The following PIEZO2 variants were observed in gnomAD, a reference collection of about 807,000 sequenced individuals.
PIEZO2 encodes the protein piezo-type mechanosensitive ion channel component 2.
In PIEZO2, 172 loss-of-function variants were observed where a neutral mutation model predicts 337.3. The ratio of observed to expected loss-of-function variants is 0.51; its 90% CI spans 0.45 to 0.58. The LOEUF (loss-of-function observed/expected upper bound fraction) is 0.58, where lower values mean the gene tolerates loss of function less well. Among genes scored for constraint, PIEZO2 ranks in the 20% least tolerant of loss-of-function variants. The pLI is 0.00. For synonymous variants in PIEZO2, 1,251 were observed against 1,228.5 expected (o/e 1.02, Z -0.38); for missense variants, 3,028 against 3,391.3 (o/e 0.89, Z 2.66).
intron 3 of PIEZO2, among the ~76,000 whole-genome samples, chr18:10,966,142 G>A (rs749846248): frequency 4.6e-5 from 7 of 152,074 alleles, no homozygotes; most frequent in Non-Finnish European, 7.4e-5. Context: ...CCTCCATCAC[G>A]CTGGAATTCA....
At chr18:10,710,712 T>C (rs1367285635) in intron 39 of PIEZO2, among the ~76,000 whole-genome samples, 1 of 152,230 alleles carries the variant, frequency 6.6e-6, no homozygotes, top group Non-Finnish European at 1.5e-5. Flanking sequence ...TGGGTGAGCA[T>C]GACCTCACTG....
At chr18:10,916,372 G>A (rs542592506) in intron 3 of PIEZO2, among the ~76,000 whole-genome samples, 1 of 152,260 alleles carries the variant, frequency 6.6e-6, no homozygotes, top group Admixed American at 6.5e-5. Flanking sequence ...GGCCTGTGCT[G>A]CAGCCAACCG....
chr18:11,024,247 GA>G (rs111362173), intron 2 of PIEZO2, among the ~76,000 whole-genome samples: 1 of 151,440 alleles, frequency 6.6e-6, no homozygotes, highest in African/African-American at 2.4e-5. Flanking sequence ...GTACTTGGCT[GA>G]AAAAAAAATC....
intron 1 of PIEZO2, among the ~76,000 whole-genome samples, chr18:11,113,818 T>C (rs1230183532): frequency 2.6e-5 from 4 of 152,192 alleles, no homozygotes; most frequent in African/African-American, 9.6e-5. Flanking sequence ...GAAAGAAAGA[T>C]CAGAAGTGGA....
At chr18:10,891,548 C>A (rs2042756550) in intron 4 of PIEZO2, among the ~76,000 whole-genome samples, 1 of 152,122 alleles carries the variant, frequency 6.6e-6, no homozygotes, top group African/African-American at 2.4e-5. Flanking sequence ...TAGGCATTGG[C>A]CCTGTTCAAA....
At chr18:11,093,912 G>C (rs531707882) in intron 1 of PIEZO2, among the ~76,000 whole-genome samples, 25 of 152,222 alleles carry the variant, frequency 1.6e-4, no homozygotes, top group African/African-American at 6.0e-4. Context: ...ATTACATGTA[G>C]AGCAGCATAA....
At chr18:10,999,566 A>G (rs914278840) in intron 2 of PIEZO2, among the ~76,000 whole-genome samples, 6 of 152,140 alleles carry the variant, frequency 3.9e-5, no homozygotes, top group African/African-American at 1.4e-4. Flanking sequence ...TTTAAAACAT[A>G]TGGGAGAACG....
intron 3 of PIEZO2, among the ~76,000 whole-genome samples, chr18:10,972,190 A>AAG (rs1175032610): frequency 0.013 from 1,887 of 149,692 alleles, 62 homozygotes; most frequent in African/African-American, 0.042. Context: ...AAAAAAAAAA[A>AAG]AGAGAGAGAG....
At chr18:10,760,815 A>G (rs1023063723) in intron 24 of PIEZO2, 96 bp downstream of exon 24, 7 of 949,872 alleles carry the variant, frequency 7.4e-6, no homozygotes, top group Admixed American at 6.8e-5. Context: ...TCATGCCTGC[A>G]GATGTATCAC....
Position 10,870,867 on chromosome 18 carries a change from T to C in PIEZO2, c.492+386A>G, listed in dbSNP as rs140481339. ...GCCCTGCAAGGAGGAACTCATTTTTTTCCCTAAAACTACCAGATGTTACTT... is the reference window on the plus strand; with the variant it reads ...GCCCTGCAAGGAGGAACTCATTTTTCTCCCTAAAACTACCAGATGTTACTT... On this transcript the variant is annotated intron_variant, in intron 5 of 55. Coordinates refer to ENST00000674853, the MANE Select transcript of PIEZO2 (RefSeq NM_001378183.1). The surrounding 1 kb of genome is among the most constrained non-coding windows in gnomAD (Gnocchi z 5.3). 1.1e-3 allele frequency among the ~76,000 whole-genome samples: 170 copies of C among 152,312 alleles called. No individual in the cohort carries two copies. The East Asian group carries it at 0.022, about 20-fold the overall frequency.
chr18:10,763,109 A>T lies in PIEZO2; in HGVS notation c.2947-11T>A. The T allele has an allele frequency of 6.5e-7, 1 of 1,535,586 alleles. No individual in the cohort carries two copies. The highest frequency in any genetic ancestry group is 8.7e-7 in the Non-Finnish European group (1 of 1,146,136). The stretch of plus-strand genomic sequence containing the variant: ...GTTGAACAGAGACACCTGAAAACGT[A>T]AAACCAGAAATGGGGACAAAAATAC... On this transcript the variant is annotated splice_polypyrimidine_tract_variant and intron_variant, in intron 21 of 55. Coordinates refer to ENST00000674853, the MANE Select transcript of PIEZO2 (RefSeq NM_001378183.1).
chr18:11,037,845 G>A (rs1030390154), intron 2 of PIEZO2, among the ~76,000 whole-genome samples: 1 of 152,172 alleles, frequency 6.6e-6, no homozygotes, highest in African/African-American at 2.4e-5. Context: ...GCTATAATAT[G>A]CAAAGTTTTC....
At chr18:10,800,214 G>C (rs951895478) in intron 11 of PIEZO2, 123 bp downstream of exon 11, 19 of 1,321,558 alleles carry the variant, frequency 1.4e-5, no homozygotes, top group Non-Finnish European at 1.9e-5. Context: ...AAGAAGTGAG[G>C]TTAATGACAC....
At position 10,819,586 on chromosome 18, in the gene PIEZO2, A is replaced by G. The variant is rs2040463152; in HGVS notation, c.918-12312T>C. Among the ~76,000 whole-genome samples the G allele has an allele frequency of 6.6e-6, 1 of 152,202 alleles. No individual in the cohort carries two copies. The highest frequency in any genetic ancestry group is 2.1e-4 in the South Asian group (1 of 4,832). ...ATCCAAAGATGAGCAGTTCCAGGTT[A>G]GCTAATTCAATGCACAATTACACAG... On this transcript the variant is annotated intron_variant, in intron 7 of 55. Coordinates refer to ENST00000674853, the MANE Select transcript of PIEZO2 (RefSeq NM_001378183.1). This position sits in a 1 kb window ranked among gnomAD's most constrained non-coding sequence, Gnocchi z 4.3.
chr18:10,936,532 A>C (rs1157977806), intron 3 of PIEZO2, among the ~76,000 whole-genome samples: 1 of 152,172 alleles, frequency 6.6e-6, no homozygotes, highest in African/African-American at 2.4e-5. Flanking sequence ...GTTGCCTACC[A>C]CTGTCCCTTT....
rs557491466 is a variant in PIEZO2, at chr18:10,854,862, C to A, written c.917+491G>T. On this transcript the variant is annotated intron_variant, in intron 7 of 55. Coordinates refer to ENST00000674853, the MANE Select transcript of PIEZO2 (RefSeq NM_001378183.1). This position sits in a 1 kb window ranked among gnomAD's most constrained non-coding sequence, Gnocchi z 4.6. ...CTGAGTAGCTGGGACCACAGGTGTG[C>A]GCCCTCATGCCCAGCTAATTTTTTT... 1.3e-5 allele frequency among the ~76,000 whole-genome samples: 2 copies of A among 152,278 alleles called. No individual in the cohort carries two copies. Among genetic ancestry groups the A allele is most frequent in the South Asian group, 4.1e-4 (2 of 4,826 alleles).
In PIEZO2 at chr18:10,788,322, A is replaced by G. The variant is rs979610191; in HGVS notation, c.2169+757T>C. 8.8e-4 allele frequency among the ~76,000 whole-genome samples: 134 copies of G among 151,878 alleles called. 2 individuals are homozygous for G. Among genetic ancestry groups the G allele is most frequent in the African/African-American group, 3.0e-3 (123 of 41,440 alleles). On this transcript the variant is annotated intron_variant, in intron 15 of 55. Coordinates refer to ENST00000674853, the MANE Select transcript of PIEZO2 (RefSeq NM_001378183.1). Reference sequence around the variant, plus strand: ...GAGGCTGAGGCATGAGAATTCCTTGAAACTGGGAGGCAGAGATTGCAGTGA... The same window carrying G: ...GAGGCTGAGGCATGAGAATTCCTTGGAACTGGGAGGCAGAGATTGCAGTGA...
intron 3 of PIEZO2, among the ~76,000 whole-genome samples, chr18:10,966,997 A>T (rs1347365803): frequency 6.8e-6 from 1 of 148,032 alleles, no homozygotes; most frequent in Admixed American, 6.7e-5. Flanking sequence ...GTGTATATAT[A>T]CCACATTTTC....
chr18:11,057,296 T>A (rs550732562), intron 2 of PIEZO2, among the ~76,000 whole-genome samples: 1 of 152,346 alleles, frequency 6.6e-6, no homozygotes, highest in Admixed American at 6.5e-5. Flanking sequence ...CCTTTCTGTT[T>A]AATGTTCTCT....
Sources: gnomAD v4.1 joint callset for allele counts (sites outside exome capture counted in the v4.1 genomes callset) on GRCh38, gnomAD v4.1.1 for gene constraint, Gnocchi (gnomAD v3.1) non-coding constraint, MANE v1.5 for transcripts, NCBI Gene and HGNC (gene_info 2026-07-23, HGNC 2026-07-21) for gene names.